The following RHPN2 variants were observed in gnomAD, a reference collection of about 807,000 sequenced individuals.
RHPN2 encodes the protein rhophilin Rho GTPase binding protein 2.
In RHPN2, 40 loss-of-function variants were observed where a neutral mutation model predicts 79.0. The ratio of observed to expected loss-of-function variants is 0.51; its 90% CI spans 0.39 to 0.66. The LOEUF (loss-of-function observed/expected upper bound fraction) is 0.66. Among genes scored for constraint, RHPN2 ranks in the 30% least tolerant of loss-of-function variants. The pLI is 0.00. For synonymous variants in RHPN2, 285 were observed against 363.5 expected (o/e 0.78, Z 2.46); for missense variants, 686 against 883.5 (o/e 0.78, Z 2.83).
At chr19:32,999,492 C>G in intron 10 of RHPN2, 94 bp downstream of exon 10, 1 of 1,499,750 alleles carries the variant, frequency 6.7e-7, no homozygotes. Context: ...CCCCCTCTCC[C>G]GGGCCCTCTT....
intron 3 of RHPN2, among the ~76,000 whole-genome samples, chr19:33,022,001 C>T (rs145481140): frequency 3.9e-5 from 6 of 152,118 alleles, no homozygotes; most frequent in Non-Finnish European, 8.8e-5. Flanking sequence ...AGTGCAATGG[C>T]GCAATCTCAG....
chr19:33,009,953 A>G, intron 6 of RHPN2, among the ~76,000 whole-genome samples: 1 of 151,052 alleles, frequency 6.6e-6, no homozygotes, highest in South Asian at 2.1e-4. Flanking sequence ...TAATTTTTGT[A>G]TTTTTAGTAG....
chr19:33,055,591 T>C (rs528743172), intron 1 of RHPN2, among the ~76,000 whole-genome samples: 16 of 152,060 alleles, frequency 1.1e-4, no homozygotes, highest in Admixed American at 1.0e-3. Flanking sequence ...ATCAGAAGGC[T>C]TCCTCATCCA....
rs1238665760 is a variant in RHPN2 at position 32,999,467 on chromosome 19, G to A, written c.1225+119C>T. 8.4e-5 allele frequency: 109 copies of A among 1,300,284 alleles called. 1 individual carries two copies. Among genetic ancestry groups the A allele is most frequent in the East Asian group, 4.1e-4 (14 of 34,508 alleles). The allele number at this position is 1,300,284 out of a possible 1,614,324, so 80.5% of individuals were successfully genotyped here. A position where few individuals can be genotyped will look rare whatever the true frequency, so the allele number is the denominator to read the frequency against. ...TGACTTCTGAACCCAAAGTGGCCAC[G>A]ATGACTCGGAACACCCCCCTCTCCC... On this transcript the variant is annotated intron_variant, in intron 10 of 14. Coordinates refer to ENST00000254260, the MANE Select transcript of RHPN2 (RefSeq NM_033103.5).
chr19:32,985,506 C>A (rs7259685), intron 14 of RHPN2, among the ~76,000 whole-genome samples: 2 of 152,206 alleles, frequency 1.3e-5, no homozygotes, highest in African/African-American at 4.8e-5. Context: ...GTATGGTGTT[C>A]CATGCCTGTA....
In RHPN2 at chr19:33,044,384, G is replaced by A. The variant is rs1217370980; in HGVS notation, c.70-20C>T. 1 of 1,548,624 alleles carries A rather than the reference G, an allele frequency of 6.5e-7. No homozygotes were observed. The highest frequency in any genetic ancestry group is 1.1e-5 in the South Asian group (1 of 89,752). ...ACAGCCCTGAGGAAAAATAAGAGATGCCCCTTCAGAGGTCGGCCACTCTAA... is the reference window on the plus strand; with the variant it reads ...ACAGCCCTGAGGAAAAATAAGAGATACCCCTTCAGAGGTCGGCCACTCTAA... On this transcript the variant is annotated intron_variant, in intron 1 of 14. Transcript: ENST00000254260.
chr19:33,030,368 G>A (rs868784468), intron 2 of RHPN2, among the ~76,000 whole-genome samples: 4 of 152,082 alleles, frequency 2.6e-5, no homozygotes, highest in African/African-American at 9.7e-5. Context: ...CGAGGCACGC[G>A]GATCACTTGA....
intron 12 of RHPN2, 188 bp from the exon 13 acceptor site, chr19:32,992,157 C>T (rs945937609): frequency 4.8e-6 from 3 of 622,826 alleles, no homozygotes; most frequent in Non-Finnish European, 8.7e-6. Flanking sequence ...TCAAACATAC[C>T]CAATATATTT....
At chr19:33,059,302 A>AT (rs537027276) in intron 1 of RHPN2, among the ~76,000 whole-genome samples, 53,106 of 136,774 alleles carry the variant, frequency 0.39, 11,777 homozygotes, top group African/African-American at 0.61. Flanking sequence ...TTCTTTTATC[A>AT]TTTTTTTTTT....
rs549886185 is a variant in RHPN2 at position 32,995,523 on chromosome 19, A to C, written c.1420+503T>G. 2.2e-3 allele frequency among the ~76,000 whole-genome samples: 331 copies of C among 152,190 alleles called. 1 individual carries two copies. Among genetic ancestry groups the C allele is most frequent in the African/African-American group, 7.5e-3 (312 of 41,524 alleles). On this transcript the variant is annotated intron_variant, in intron 11 of 14. Transcript: ENST00000254260. Reference sequence around the variant, plus strand: ...AAGGCTGGTCAATTTCTAACAAAGGATCCCAGGGCAGGCTGATTCTACACG... The same window carrying C: ...AAGGCTGGTCAATTTCTAACAAAGGCTCCCAGGGCAGGCTGATTCTACACG...
chr19:32,995,318 C>T (rs1290288546), intron 11 of RHPN2, among the ~76,000 whole-genome samples: 9 of 151,824 alleles, frequency 5.9e-5, no homozygotes, highest in Middle Eastern at 3.4e-3. Flanking sequence ...CTCAAGTAAT[C>T]CTCCTGCCTC....
At chr19:32,994,896 G>A (rs1409280157) in intron 11 of RHPN2, among the ~76,000 whole-genome samples, 1 of 151,978 alleles carries the variant, frequency 6.6e-6, no homozygotes, top group African/African-American at 2.4e-5. Flanking sequence ...AGGTTGCAGT[G>A]AGCTGAGATC....
intron 1 of RHPN2, among the ~76,000 whole-genome samples, chr19:33,051,172 A>T (rs778611545): frequency 1.7e-4 from 26 of 152,136 alleles, no homozygotes; most frequent in Non-Finnish European, 3.1e-4. Flanking sequence ...TTGTATTTTT[A>T]GTAGACACAG....
chr19:33,016,373 C>T (rs1190719526), intron 4 of RHPN2, among the ~76,000 whole-genome samples: 1 of 152,056 alleles, frequency 6.6e-6, no homozygotes, highest in African/African-American at 2.4e-5. Flanking sequence ...GTGCCTGGCC[C>T]TATTTCTTTA....
chr19:33,016,007 A>ACT (rs1224948861), intron 4 of RHPN2, among the ~76,000 whole-genome samples: 1 of 151,974 alleles, frequency 6.6e-6, no homozygotes, highest in Non-Finnish European at 1.5e-5. Context: ...CCAAGATTGT[A>ACT]CCACTGTACT....
intron 2 of RHPN2, among the ~76,000 whole-genome samples, chr19:33,038,522 T>C (rs1972076033): frequency 6.6e-6 from 1 of 152,130 alleles, no homozygotes; most frequent in Non-Finnish European, 1.5e-5. Flanking sequence ...GGAGTCTCGC[T>C]CTGTCACCCA....
rs896454695 is a variant in RHPN2 at position 33,008,323 on chromosome 19, C to A, written c.594-143G>T. ...CTGGAGTGCAGTGGTGTGATCATAGCTTACTGCAGCCTTCAACTTTAGGGC... is the reference window on the plus strand; with the variant it reads ...CTGGAGTGCAGTGGTGTGATCATAGATTACTGCAGCCTTCAACTTTAGGGC... On this transcript the variant is annotated intron_variant, in intron 6 of 14. Transcript: ENST00000254260. 51 of 782,650 alleles carry A rather than the reference C, an allele frequency of 6.5e-5. No homozygotes were observed. The African/African-American group carries it at 8.5e-4, about 13-fold the overall frequency. 48.5% of individuals were successfully genotyped at this position (782,650 alleles called of 1,614,324 possible).
intron 4 of RHPN2, among the ~76,000 whole-genome samples, 174 bp from the exon 5 acceptor site, chr19:33,012,898 C>T (rs1200443990): frequency 2.0e-5 from 3 of 151,982 alleles, no homozygotes; most frequent in East Asian, 1.9e-4. Flanking sequence ...TTTTTTAATA[C>T]GGAGTCTCTC....
chr19:33,048,964 GTTTTT>G (rs564855575), intron 1 of RHPN2, among the ~76,000 whole-genome samples: 3 of 150,366 alleles, frequency 2.0e-5, no homozygotes, highest in African/African-American at 7.3e-5. Flanking sequence ...GGATAAGAAT[GTTTTT>G]TTTTCTGTTC....
Sources: allele counts gnomAD v4.1 joint callset (sites outside exome capture counted in the v4.1 genomes callset), GRCh38; gene constraint gnomAD v4.1.1; transcripts MANE v1.5; gene names NCBI Gene and HGNC (gene_info 2026-07-23, HGNC 2026-07-21).